Variants in MAOB observed in about 807,000 individuals in gnomAD.
MAOB encodes the protein monoamine oxidase B.
Under a neutral mutation model 41.9 loss-of-function variants are expected in MAOB, and 15 were observed. That is an observed-to-expected ratio of 0.36 (90% CI 0.24 to 0.55). MAOB has a LOEUF of 0.55. Among genes scored for constraint, MAOB ranks in the 20% least tolerant of loss-of-function variants. The pLI is 0.86. For missense variants in MAOB, 345 were observed against 398.7 expected, an observed-to-expected ratio of 0.87 and a Z score of 1.15; for synonymous variants, 167 against 144.2, an observed-to-expected ratio of 1.16 and a Z score of -1.13.
intron 3 of MAOB, among the ~76,000 whole-genome samples, chrX:43,815,485 C>T (rs1390275588): frequency 8.9e-6 from 1 of 111,921 alleles, no homozygotes; most frequent in Non-Finnish European, 1.9e-5. Flanking sequence ...AAATAAAAGG[C>T]TGTTTCACCA....
intron 8 of MAOB, among the ~76,000 whole-genome samples, chrX:43,791,819 T>C (rs974774642): frequency 8.9e-6 from 1 of 112,512 alleles, no homozygotes; most frequent in African/African-American, 3.2e-5. Flanking sequence ...ATTAGCTATA[T>C]TTCAAGTGTT....
chrX:43,866,037 CG>C, intron 1 of MAOB, among the ~76,000 whole-genome samples: 1 of 110,530 alleles, frequency 9.0e-6, no homozygotes, highest in East Asian at 2.8e-4. Context: ...GGAAGAGCCA[CG>C]GGAAACAAGG....
Position 43,766,855 on chromosome X carries a change from G to A in MAOB, c.*611C>T, listed in dbSNP as rs2034118529. The A allele has an allele frequency of 9.0e-6, 1 of 111,731 alleles. No individual in the cohort carries two copies. The highest frequency in any genetic ancestry group is 1.9e-5 in the Non-Finnish European group (1 of 53,339). 9.2% of individuals were successfully genotyped at this position (111,731 alleles called of 1,213,427 possible). On this transcript the variant is annotated 3_prime_UTR_variant, in exon 15 of 15. Coordinates refer to ENST00000378069, the MANE Select transcript of MAOB (RefSeq NM_000898.5). ...GGGACACCATCGGTAACTATGACAG[G>A]GAGTGAAGGAGGATAATTGGGGAAA...
chrX:43,795,825 G>T lies in MAOB; in HGVS notation c.682C>A (p.Arg228=). ...ATCACAGGCCTCTCCAGCTTCACTC[G>T]GTCTCCAAGGAGGTCCATTATCCGC... ...SERIMDLLGD[R]VKLERPVIYI... Residue 228 remains arginine, a synonymous_variant, in exon 7 of 15, where the codon CGA becomes AGA. Coordinates refer to ENST00000378069, the MANE Select transcript of MAOB (RefSeq NM_000898.5). 8.3e-7 allele frequency: 1 copy of T among 1,209,382 alleles called. No individual in the cohort carries two copies. The highest frequency in any genetic ancestry group is 1.1e-6 in the Non-Finnish European group (1 of 893,766).
chrX:43,865,548 G>C (rs998925562), intron 1 of MAOB, among the ~76,000 whole-genome samples: 3 of 111,376 alleles, frequency 2.7e-5, no homozygotes, highest in African/African-American at 9.8e-5. Flanking sequence ...ATTTGAAATG[G>C]GTGAATTGTA....
Position 43,850,499 on chromosome X carries a change from G to C in MAOB, c.47-6735C>G, listed in dbSNP as rs916676649. On this transcript the variant is annotated intron_variant, in intron 1 of 14. Transcript: ENST00000378069. The stretch of plus-strand genomic sequence containing the variant: ...TAAGTTCAAACTGGCTTGTCTTCCT[G>C]AGAATGCACCAGTCACAATTTTGGG... 5.3e-6 allele frequency: 4 copies of C among 750,208 alleles called. No homozygotes were observed. In the African/African-American group the frequency reaches 9.3e-5, roughly 17 times the overall value. The allele number at this position is 750,208 out of a possible 1,213,427, so 61.8% of individuals were successfully genotyped here.
At chrX:43,863,890 T>A (rs2035349093) in intron 1 of MAOB, among the ~76,000 whole-genome samples, 1 of 111,860 alleles carries the variant, frequency 8.9e-6, no homozygotes, top group Admixed American at 9.5e-5. Flanking sequence ...AAGCTAATGA[T>A]CAGATTGGGA....
At chrX:43,770,150 A>T (rs77523656) in intron 12 of MAOB, among the ~76,000 whole-genome samples, 2 of 111,248 alleles carry the variant, frequency 1.8e-5, no homozygotes, top group Non-Finnish European at 3.8e-5. Context: ...GCTAAAAAAA[A>T]CTATGTTACC....
intron 3 of MAOB, among the ~76,000 whole-genome samples, chrX:43,810,434 A>G (rs1314343103): frequency 2.7e-5 from 3 of 109,970 alleles, no homozygotes; most frequent in African/African-American, 9.9e-5. Flanking sequence ...TACTTATAGT[A>G]GGGTTATTAT....
At chrX:43,804,455 A>AAG (rs367565430) in intron 3 of MAOB, among the ~76,000 whole-genome samples, 1,993 of 107,430 alleles carry the variant, frequency 0.019, 20 homozygotes, top group African/African-American at 0.033. Flanking sequence ...CAACAGGAGA[A>AAG]AGAGAGAGAG....
chrX:43,800,911 A>T (rs2034584776), intron 5 of MAOB, among the ~76,000 whole-genome samples: 1 of 111,152 alleles, frequency 9.0e-6, no homozygotes, highest in South Asian at 3.8e-4. Flanking sequence ...TATGTGTTTA[A>T]TATTACTATT....
chrX:43,810,369 A>G (rs2034731806), intron 3 of MAOB, among the ~76,000 whole-genome samples: 1 of 109,806 alleles, frequency 9.1e-6, no homozygotes, highest in South Asian at 3.9e-4. Flanking sequence ...AATTAATGTC[A>G]CTCACTCATT....
chrX:43,784,002 G>C (rs1299899740), intron 8 of MAOB, among the ~76,000 whole-genome samples: 1 of 111,938 alleles, frequency 8.9e-6, no homozygotes, highest in Non-Finnish European at 1.9e-5. Context: ...CACGTTCTTT[G>C]CACATCCATA....
intron 3 of MAOB, among the ~76,000 whole-genome samples, chrX:43,813,525 C>T (rs1371999546): frequency 3.6e-5 from 4 of 112,335 alleles, no homozygotes; most frequent in Non-Finnish European, 1.9e-5. Flanking sequence ...TGAGCCACTT[C>T]TCATGTGGTC....
At position 43,781,460 on chromosome X, in the gene MAOB, G is replaced by A. The variant is rs2034331039; in HGVS notation, c.1013C>T (p.Ala338Val). 1 of 1,184,505 alleles carries A rather than the reference G, an allele frequency of 8.4e-7. No homozygotes were observed. The highest frequency in any genetic ancestry group is 3.0e-5 in the East Asian group (1 of 33,051). ...LDDTKPEGNY[A>V]AIMGFILAHK... ...AATTGTGCCTTACCCCATTATGGCAGCATAGTTGCCTTCAGGTTTGGTATC... is the reference window on the plus strand; with the variant it reads ...AATTGTGCCTTACCCCATTATGGCAACATAGTTGCCTTCAGGTTTGGTATC... The change falls in exon 9 of 15, where the codon GCT becomes GTT. Residue 338 changes from alanine to valine, a missense_variant. Transcript: ENST00000378069.
At chrX:43,878,233 C>A (rs1569234688) in intron 1 of MAOB, among the ~76,000 whole-genome samples, 1 of 111,163 alleles carries the variant, frequency 9.0e-6, no homozygotes, top group Admixed American at 9.6e-5. Flanking sequence ...TGACACTAAG[C>A]CTATTCTCCC....
At chrX:43,863,008 T>C (rs778955961) in intron 1 of MAOB, among the ~76,000 whole-genome samples, 3 of 111,906 alleles carry the variant, frequency 2.7e-5, no homozygotes, top group Non-Finnish European at 5.6e-5. Context: ...TTGAAAAAGA[T>C]TGATAAAGCA....
At chrX:43,809,534 T>C (rs749935431) in intron 3 of MAOB, among the ~76,000 whole-genome samples, 1 of 112,525 alleles carries the variant, frequency 8.9e-6, no homozygotes, top group South Asian at 3.7e-4. Context: ...AAACTTCTGA[T>C]AAACACAGGA....
At chrX:43,831,315 T>C (rs2035017239) in intron 3 of MAOB, among the ~76,000 whole-genome samples, 2 of 111,626 alleles carry the variant, frequency 1.8e-5, no homozygotes, top group Admixed American at 1.9e-4. Context: ...TGTGTCTAAT[T>C]ACATTTTTAA....
Sources: gnomAD v4.1 joint callset for allele counts (sites outside exome capture counted in the v4.1 genomes callset) on GRCh38, gnomAD v4.1.1 for gene constraint, MANE v1.5 for transcripts, NCBI Gene and HGNC (gene_info 2026-07-23, HGNC 2026-07-21) for gene names.